Variants in TBL1XR1 observed in about 807,000 individuals in gnomAD.
TBL1XR1 encodes the protein F-box-like/WD repeat-containing protein TBL1XR1.
A neutral mutation model predicts 66.9 loss-of-function variants in TBL1XR1; 5 were observed. That is an observed-to-expected ratio of 0.07 (90% CI 0.04 to 0.16). The LOEUF (loss-of-function observed/expected upper bound fraction) is 0.16. Among genes scored for constraint, TBL1XR1 ranks in the 10% least tolerant of loss-of-function variants. The pLI, the probability that TBL1XR1 is intolerant of heterozygous loss-of-function variation, is 1.00. For synonymous variants in TBL1XR1, 210 were observed against 206.0 expected (o/e 1.02, Z -0.17); for missense variants, 238 against 623.2 (o/e 0.38, Z 6.58).
intron 1 of TBL1XR1, among the ~76,000 whole-genome samples, chr3:177,190,173 T>C (rs1186858076): frequency 7.5e-6 from 1 of 132,892 alleles, no homozygotes. Context: ...GAGTCCAAAA[T>C]CTTAAGCATC....
intron 1 of TBL1XR1, among the ~76,000 whole-genome samples, chr3:177,143,777 A>ATATGG (rs1241708974): frequency 1.3e-5 from 2 of 152,110 alleles, no homozygotes; most frequent in Non-Finnish European, 2.9e-5. Flanking sequence ...GGTCTCTGAT[A>ATATGG]GTTCATTCAG....
chr3:177,020,978 T>C lies in TBL1XR1; in HGVS notation c.*4520A>G, dbSNP rs955572578. 2.0e-5 allele frequency: 3 copies of C among 152,164 alleles called. No homozygotes were observed. The highest frequency in any genetic ancestry group is 7.2e-5 in the African/African-American group (3 of 41,440). 9.4% of individuals were successfully genotyped at this position (152,164 alleles called of 1,614,324 possible). A position where few individuals can be genotyped will look rare whatever the true frequency, so the allele number is the denominator to read the frequency against. On this transcript the variant is annotated 3_prime_UTR_variant, in exon 16 of 16. Coordinates refer to ENST00000457928, the MANE Select transcript of TBL1XR1 (RefSeq NM_024665.7). ...ACAGCACAGAACATCTACATCAGTC[T>C]TCCTTACACAATAATCATGAAAACT...
chr3:177,102,458 A>T (rs1464868037), intron 1 of TBL1XR1, among the ~76,000 whole-genome samples: 1 of 152,232 alleles, frequency 6.6e-6, no homozygotes, highest in Non-Finnish European at 1.5e-5. Context: ...CAATGCATTT[A>T]TAAAGCACAC....
intron 1 of TBL1XR1, among the ~76,000 whole-genome samples, chr3:177,178,917 A>T (rs1734469945): frequency 6.6e-6 from 1 of 152,104 alleles, no homozygotes; most frequent in South Asian, 2.1e-4. Flanking sequence ...CAGGAGATCG[A>T]GACCATCCTG....
intron 1 of TBL1XR1, among the ~76,000 whole-genome samples, chr3:177,191,529 T>G (rs115397608): frequency 0.016 from 2,390 of 152,292 alleles, 55 homozygotes; most frequent in African/African-American, 0.055. Context: ...AAAGCACCTG[T>G]ATAGTCCTGA....
At chr3:177,137,555 G>A (rs1729143976) in intron 1 of TBL1XR1, among the ~76,000 whole-genome samples, 1 of 152,132 alleles carries the variant, frequency 6.6e-6, no homozygotes, top group South Asian at 2.1e-4. Context: ...TAAGAAGAGA[G>A]GCATGTCTGG....
chr3:177,075,575 T>C (rs1472738427), intron 2 of TBL1XR1, among the ~76,000 whole-genome samples: 1 of 152,226 alleles, frequency 6.6e-6, no homozygotes. Context: ...CTCAAGTATA[T>C]TTCACTTTTT....
In TBL1XR1 at chr3:177,080,633, T is replaced by A. The variant is rs74457189; in HGVS notation, c.-45-15611A>T. Among the ~76,000 whole-genome samples, 418 of 152,230 alleles carry A rather than the reference T, an allele frequency of 2.7e-3. 3 individuals carry two copies. Among genetic ancestry groups the A allele is most frequent in the African/African-American group, 9.0e-3 (372 of 41,554 alleles). Reference sequence around the variant, plus strand: ...GCTAACTGAAAGAAAAAATATATATTTTTTTTCAGTGACACACAGAAACAT... The same window carrying A: ...GCTAACTGAAAGAAAAAATATATATATTTTTTCAGTGACACACAGAAACAT... On this transcript the variant is annotated intron_variant, in intron 2 of 15. Coordinates refer to ENST00000457928, the MANE Select transcript of TBL1XR1 (RefSeq NM_024665.7).
At chr3:177,191,680 G>A (rs1046605959) in intron 1 of TBL1XR1, among the ~76,000 whole-genome samples, 12 of 152,010 alleles carry the variant, frequency 7.9e-5, no homozygotes, top group African/African-American at 2.4e-4. Flanking sequence ...CTGATAATAC[G>A]GAAAAGAATA....
chr3:177,170,671 T>C (rs1018457416), intron 1 of TBL1XR1, among the ~76,000 whole-genome samples: 2 of 152,148 alleles, frequency 1.3e-5, no homozygotes, highest in African/African-American at 4.8e-5. Flanking sequence ...GGTCTCACTG[T>C]GTCACTCACT....
At chr3:177,089,542 T>TAAA (rs1722573046) in intron 2 of TBL1XR1, among the ~76,000 whole-genome samples, 1 of 152,172 alleles carries the variant, frequency 6.6e-6, no homozygotes, top group South Asian at 2.1e-4. Context: ...AGCCTCCTTT[T>TAAA]CCCTTTCTGG....
At chr3:177,191,970 G>A (rs763547947) in intron 1 of TBL1XR1, among the ~76,000 whole-genome samples, 3 of 151,814 alleles carry the variant, frequency 2.0e-5, no homozygotes, top group Non-Finnish European at 2.9e-5. Context: ...ACAGGCGCCT[G>A]TAATCCCAGC....
intron 1 of TBL1XR1, among the ~76,000 whole-genome samples, chr3:177,119,961 G>A (rs1950081): frequency 0.4 from 60,340 of 151,964 alleles, 12,158 homozygotes; most frequent in Middle Eastern, 0.47. Flanking sequence ...TTGGGGACTC[G>A]CTCATCTAAA....
In TBL1XR1 at chr3:177,025,292, T is replaced by C; in HGVS notation, c.*206A>G. 1 of 458,504 alleles carries C rather than the reference T, an allele frequency of 2.2e-6. No homozygotes were observed. The allele number at this position is 458,504 out of a possible 1,614,324, so 28.4% of individuals were successfully genotyped here. ...CAGCAGATTAGATTCCAGCACTTGG[T>C]GAACAGAATTCACAAGCTGTGACAA... On this transcript the variant is annotated 3_prime_UTR_variant, in exon 16 of 16. Transcript: ENST00000457928.
chr3:177,137,405 T>A (rs184340357), intron 1 of TBL1XR1, among the ~76,000 whole-genome samples: 1 of 152,274 alleles, frequency 6.6e-6, no homozygotes, highest in Admixed American at 6.5e-5. Context: ...GGCAGGAAGA[T>A]CAACTGATTA....
intron 1 of TBL1XR1, among the ~76,000 whole-genome samples, chr3:177,143,769 T>A (rs1729907607): frequency 6.6e-6 from 1 of 152,202 alleles, no homozygotes; most frequent in Non-Finnish European, 1.5e-5. Context: ...ATAAGATGGG[T>A]CTCTGATAGT....
chr3:177,131,333 T>C (rs774573169), intron 1 of TBL1XR1: 5 of 985,198 alleles, frequency 5.1e-6, no homozygotes, highest in Non-Finnish European at 6.0e-6. Flanking sequence ...AATAAAGAAA[T>C]AGCAAGATGG....
intron 1 of TBL1XR1, among the ~76,000 whole-genome samples, chr3:177,102,144 T>C (rs1004237428): frequency 6.6e-6 from 1 of 152,230 alleles, no homozygotes; most frequent in Non-Finnish European, 1.5e-5. Flanking sequence ...CATAGATGTA[T>C]CTAATCTCAG....
chr3:177,046,082 A>G, intron 10 of TBL1XR1, 47 bp downstream of exon 10: 1 of 1,427,200 alleles, frequency 7.0e-7, no homozygotes, highest in Non-Finnish European at 9.4e-7. Context: ...TTTAATTAGA[A>G]AAACAGAAGC....
Sources: allele counts gnomAD v4.1 joint callset (sites outside exome capture counted in the v4.1 genomes callset), GRCh38; gene constraint gnomAD v4.1.1; transcripts MANE v1.5; gene names NCBI Gene and HGNC (gene_info 2026-07-23, HGNC 2026-07-21).